GCSAML: variants seen among roughly 807,000 people sequenced by gnomAD.
GCSAML encodes germinal center-associated signaling and motility-like protein.
GCSAML carries 9 observed loss-of-function variants against 13.0 expected under a neutral mutation model. The observed-to-expected ratio is 0.69, with a 90% CI of 0.42 to 1.21. GCSAML has a LOEUF of 1.21. Among genes scored for constraint, GCSAML ranks in the 50% most tolerant of loss-of-function variants. The pLI, the probability that GCSAML is intolerant of heterozygous loss-of-function variation, is 0.00. For synonymous variants in GCSAML, 37 were observed against 52.9 expected (o/e 0.70, Z 1.31); for missense variants, 143 against 153.4 (o/e 0.93, Z 0.36).
chr1:247,569,305 C>A (rs1284489806), intron 4 of GCSAML, among the ~76,000 whole-genome samples: 3 of 152,130 alleles, frequency 2.0e-5, no homozygotes, highest in Non-Finnish European at 4.4e-5. Flanking sequence ...GGAATGCTTC[C>A]AACTTTTGCC....
intron 2 of GCSAML, among the ~76,000 whole-genome samples, chr1:247,561,611 G>T (rs1668130656): frequency 6.6e-6 from 1 of 151,566 alleles, no homozygotes. Flanking sequence ...TGTTTTCCTG[G>T]TTTAGGCCAG....
intron 4 of GCSAML, among the ~76,000 whole-genome samples, chr1:247,572,568 C>T (rs1159707393): frequency 1.3e-5 from 2 of 152,222 alleles, no homozygotes; most frequent in African/African-American, 4.8e-5. Context: ...CTACTCCTTC[C>T]TCTGGAAGCT....
chr1:247,548,851 T>A (rs138255445), upstream of GCSAML, among the ~76,000 whole-genome samples: 1 of 152,354 alleles, frequency 6.6e-6, no homozygotes, highest in East Asian at 1.9e-4. The surrounding 1 kb of genome is among the most constrained non-coding windows in gnomAD (Gnocchi z 5.3). Context: ...CTTGCAATAC[T>A]AGAATTTCCT....
intron 2 of GCSAML, among the ~76,000 whole-genome samples, chr1:247,562,779 T>C (rs1668179071): frequency 6.6e-6 from 1 of 152,084 alleles, no homozygotes; most frequent in South Asian, 2.1e-4. Flanking sequence ...GTAAATTGTG[T>C]CCCTTTAAAA....
chr1:247,534,589 C>T (rs1381754530), intron 2 of GCSAML, among the ~76,000 whole-genome samples: 1 of 152,030 alleles, frequency 6.6e-6, no homozygotes, highest in Non-Finnish European at 1.5e-5. Context: ...CCCTGAAGAC[C>T]TTTGGGGCCC....
chr1:247,539,943 C>T (rs1667354103), intron 2 of GCSAML, among the ~76,000 whole-genome samples: 1 of 152,150 alleles, frequency 6.6e-6, no homozygotes, highest in Non-Finnish European at 1.5e-5. Flanking sequence ...TCTCTGATCC[C>T]ACTTCCCACC....
chr1:247,519,072 A>AAAAC (rs34895948), intron 1 of GCSAML: 15,993 of 152,190 alleles, frequency 0.11, 1,191 homozygotes, highest in African/African-American at 0.21. Context: ...AACAAAAACA[A>AAAAC]AAACAAACAA....
rs1666703087 is a variant in GCSAML at position 247,526,903 on chromosome 1, C to G, written c.-262-37C>G. ...TTAAATCCAAGTAAGATGGGACTTC[C>G]CTCTATTTAGAAAGGTCTTCTTTCA... On this transcript the variant is annotated intron_variant, in intron 1 of 5. Coordinates refer to the GCSAML transcript ENST00000366489. This position sits in a 1 kb window ranked among gnomAD's most constrained non-coding sequence, Gnocchi z 4.8. The G allele has an allele frequency of 1.8e-5, 8 of 451,174 alleles. No individual in the cohort carries two copies. Among genetic ancestry groups the G allele is most frequent in the South Asian group, 1.3e-4 (8 of 63,230 alleles). The allele number at this position is 451,174 out of a possible 1,614,324, so 27.9% of individuals were successfully genotyped here.
At chr1:247,554,353 T>G (rs1173033485) in intron 1 of GCSAML, among the ~76,000 whole-genome samples, 1 of 152,150 alleles carries the variant, frequency 6.6e-6, no homozygotes, top group African/African-American at 2.4e-5. Flanking sequence ...TTTCATTATA[T>G]TTTTGTCTCC....
At chr1:247,550,597 A>C (rs145243936) in intron 1 of GCSAML, among the ~76,000 whole-genome samples, 1,985 of 152,142 alleles carry the variant, frequency 0.013, 44 homozygotes, top group African/African-American at 0.045. Context: ...AGATCCCGCC[A>C]CTGCACTCCA....
chr1:247,520,840 C>T (rs1666390168), intron 1 of GCSAML, among the ~76,000 whole-genome samples: 2 of 152,134 alleles, frequency 1.3e-5, no homozygotes, highest in Admixed American at 1.3e-4. Context: ...AAAGGGGAAA[C>T]CAACTTACGT....
chr1:247,546,926 C>T (rs1667603200), upstream of GCSAML, among the ~76,000 whole-genome samples: 1 of 121,452 alleles, frequency 8.2e-6, no homozygotes, highest in African/African-American at 3.8e-5. Context: ...CTTTTCTCTA[C>T]TAAAATTAAA....
At chr1:247,534,906 A>G (rs1343684632) in intron 2 of GCSAML, among the ~76,000 whole-genome samples, 1 of 152,158 alleles carries the variant, frequency 6.6e-6, no homozygotes, top group Non-Finnish European at 1.5e-5. Context: ...CCCATTGTGG[A>G]CTTACTGTGT....
At chr1:247,566,063 T>C in intron 4 of GCSAML, 104 bp downstream of exon 4, 1 of 708,154 alleles carries the variant, frequency 1.4e-6, no homozygotes, top group Non-Finnish European at 2.3e-6. Flanking sequence ...GTAGCATCTG[T>C]CTTCCTTTAT....
In GCSAML at chr1:247,514,020, C is replaced by T. The variant is rs558650183; in HGVS notation, c.-263+6787C>T. 6.6e-5 allele frequency among the ~76,000 whole-genome samples: 10 copies of T among 152,088 alleles called. No homozygotes were observed. The East Asian group carries it at 9.7e-4, about 15-fold the overall frequency. ...TTTTTAAGATGGAGTCTTGCTCTGT[C>T]GCCAGGTTGGAGTGCAGTGGTGTGA... On this transcript the variant is annotated intron_variant, in intron 1 of 5. Transcript: ENST00000366489.
At chr1:247,536,807 G>T (rs1298829393) in intron 2 of GCSAML, among the ~76,000 whole-genome samples, 2 of 152,172 alleles carry the variant, frequency 1.3e-5, no homozygotes, top group Non-Finnish European at 2.9e-5. Context: ...TAGTGAGGGA[G>T]ATAGTCTGAG....
At chr1:247,562,744 A>G (rs1489440549) in intron 2 of GCSAML, among the ~76,000 whole-genome samples, 1 of 152,002 alleles carries the variant, frequency 6.6e-6, no homozygotes, top group Non-Finnish European at 1.5e-5. Flanking sequence ...TCTCCTCCCT[A>G]CCGCCTTTGA....
intron 1 of GCSAML, among the ~76,000 whole-genome samples, chr1:247,554,620 A>C (rs1001659109): frequency 1.3e-5 from 2 of 152,056 alleles, no homozygotes; most frequent in Non-Finnish European, 2.9e-5. Context: ...TTGCATTATT[A>C]TTTTATTCTG....
chr1:247,513,056 G>T (rs1410841535), intron 1 of GCSAML, among the ~76,000 whole-genome samples: 2 of 152,170 alleles, frequency 1.3e-5, no homozygotes, highest in Non-Finnish European at 1.5e-5. Flanking sequence ...GAGATCCATT[G>T]CTCTCTTTGG....
Sources: allele counts gnomAD v4.1 joint callset (sites outside exome capture counted in the v4.1 genomes callset), GRCh38; gene constraint gnomAD v4.1.1; non-coding constraint Gnocchi (gnomAD v3.1); transcripts MANE v1.5; gene names NCBI Gene and HGNC (gene_info 2026-07-23, HGNC 2026-07-21).